CSMD1: variants seen among roughly 807,000 people sequenced by gnomAD.
CSMD1 encodes CUB and Sushi multiple domains 1.
Under a neutral mutation model 417.5 loss-of-function variants are expected in CSMD1, and 213 were observed. The observed-to-expected ratio is 0.51, with a 90% CI of 0.46 to 0.57. The LOEUF (loss-of-function observed/expected upper bound fraction) is 0.57. Among genes scored for constraint, CSMD1 ranks in the 20% least tolerant of loss-of-function variants. The probability of loss-of-function intolerance (pLI) is 0.00; values close to 1 mark genes in which losing one functional copy is unlikely to be tolerated. For missense variants in CSMD1, 6,923 were observed against 4,529.7 expected (o/e 1.53, Z -15.17); for synonymous variants, 2,862 against 1,736.8 (o/e 1.65, Z -16.11).
At chr8:3,784,298 T>C (rs1563076214) in intron 5 of CSMD1, among the ~76,000 whole-genome samples, 1 of 152,284 alleles carries the variant, frequency 6.6e-6, no homozygotes, top group East Asian at 1.9e-4. Flanking sequence ...ATAAATAATA[T>C]TAAATATATA....
intron 3 of CSMD1, among the ~76,000 whole-genome samples, chr8:4,205,292 T>C (rs993862257): frequency 2.6e-5 from 4 of 152,230 alleles, no homozygotes; most frequent in Admixed American, 2.0e-4. Flanking sequence ...AATAGTTCCT[T>C]GAAAAAGATT....
At chr8:3,151,802 G>C (rs965357831) in intron 39 of CSMD1, among the ~76,000 whole-genome samples, 1 of 151,434 alleles carries the variant, frequency 6.6e-6, no homozygotes, top group Non-Finnish European at 1.5e-5. Context: ...TTGCGTCACA[G>C]TCAGGCATCA....
chr8:3,830,716 G>A (rs1456621111), intron 5 of CSMD1, among the ~76,000 whole-genome samples: 1 of 152,076 alleles, frequency 6.6e-6, no homozygotes, highest in East Asian at 1.9e-4. Context: ...CAGACCTGCT[G>A]AACTTTGTGT....
At chr8:4,784,611 T>A (rs1161335087) in intron 1 of CSMD1, among the ~76,000 whole-genome samples, 1 of 152,206 alleles carries the variant, frequency 6.6e-6, no homozygotes, top group African/African-American at 2.4e-5. Flanking sequence ...TAAATTTCTT[T>A]TTTCACCGAT....
chr8:3,956,601 T>A (rs1434400812), intron 5 of CSMD1, among the ~76,000 whole-genome samples: 1 of 152,228 alleles, frequency 6.6e-6, no homozygotes, highest in African/African-American at 2.4e-5. Flanking sequence ...GCATACATAA[T>A]CATTAAATTC....
chr8:4,911,163 G>C (rs1024645526), intron 1 of CSMD1, among the ~76,000 whole-genome samples: 2 of 152,168 alleles, frequency 1.3e-5, no homozygotes, highest in Non-Finnish European at 2.9e-5. Context: ...GTCTTTATCA[G>C]CAGTGTGAAA....
At chr8:3,296,854 T>A (rs982512387) in intron 25 of CSMD1, among the ~76,000 whole-genome samples, 1 of 152,106 alleles carries the variant, frequency 6.6e-6, no homozygotes, top group Admixed American at 6.5e-5. Flanking sequence ...CTTGGACCTG[T>A]TGAGTTTAAG....
At chr8:3,709,305 C>T (rs920344232) in intron 6 of CSMD1, among the ~76,000 whole-genome samples, 2 of 152,068 alleles carry the variant, frequency 1.3e-5, no homozygotes, top group African/African-American at 2.4e-5. Flanking sequence ...GAGACTGGAC[C>T]TACAGCAGCT....
chr8:4,767,321 T>C lies in CSMD1; in HGVS notation c.86-129763A>G, dbSNP rs140567805. 7.3e-3 allele frequency among the ~76,000 whole-genome samples: 1,110 copies of C among 152,322 alleles called. 19 individuals carry two copies. Among genetic ancestry groups the C allele is most frequent in the Middle Eastern group, 0.044 (13 of 294 alleles). ...CTATCATGGTGATAGAAAATAGACA[T>C]TTATTTTCAAATGTAGAGACTTGTG... On this transcript the variant is annotated intron_variant, in intron 1 of 69. Transcript: ENST00000635120.
chr8:4,790,646 G>A (rs1331593702), intron 1 of CSMD1, among the ~76,000 whole-genome samples: 1 of 152,040 alleles, frequency 6.6e-6, no homozygotes, highest in Non-Finnish European at 1.5e-5. Flanking sequence ...ATAGACCAAT[G>A]CAACAGGTTA....
intron 2 of CSMD1, among the ~76,000 whole-genome samples, chr8:4,442,277 T>C (rs1242474384): frequency 6.6e-6 from 1 of 152,082 alleles, no homozygotes; most frequent in Non-Finnish European, 1.5e-5. Context: ...TTTATAACAG[T>C]AAAAAAATTA....
intron 2 of CSMD1, among the ~76,000 whole-genome samples, chr8:4,486,200 CATACATATAT>C (rs1196364778): frequency 1.0e-4 from 1 of 9,816 alleles, no homozygotes; most frequent in African/African-American, 3.6e-4. Flanking sequence ...TATATATATA[CATACATATAT>C]ATATATATAT....
chr8:3,998,255 G>C (rs917176339), intron 4 of CSMD1, 145 bp from the exon 5 acceptor site: 12 of 656,266 alleles, frequency 1.8e-5, no homozygotes, highest in Admixed American at 1.4e-4. Context: ...GAATCTTTTG[G>C]TATGTTAATG....
chr8:3,510,229 T>C (rs559101967), intron 10 of CSMD1, among the ~76,000 whole-genome samples: 5 of 151,832 alleles, frequency 3.3e-5, no homozygotes, highest in African/African-American at 1.2e-4. Flanking sequence ...GCAGGAGAAG[T>C]GGCCGACTCC....
intron 3 of CSMD1, among the ~76,000 whole-genome samples, chr8:4,140,319 A>C (rs1423151620): frequency 1.3e-5 from 2 of 150,976 alleles, no homozygotes; most frequent in Non-Finnish European, 1.5e-5. Flanking sequence ...AAACATGGTG[A>C]AATCCCATCT....
chr8:4,018,590 C>A (rs151047259), intron 4 of CSMD1, among the ~76,000 whole-genome samples: 5 of 152,202 alleles, frequency 3.3e-5, no homozygotes, highest in Non-Finnish European at 7.3e-5. Flanking sequence ...GCAACCAGCA[C>A]CCCCTGCCCC....
chr8:3,637,098 T>C (rs1398309689), intron 7 of CSMD1, among the ~76,000 whole-genome samples: 2 of 152,182 alleles, frequency 1.3e-5, no homozygotes, highest in Non-Finnish European at 2.9e-5. Context: ...TCCAAAACTA[T>C]AGAAAATAAA....
At chr8:4,100,629 G>T (rs1431946405) in intron 3 of CSMD1, among the ~76,000 whole-genome samples, 2 of 152,106 alleles carry the variant, frequency 1.3e-5, no homozygotes, top group Admixed American at 1.3e-4. Flanking sequence ...TGATAATGGG[G>T]ATAAGTATGT....
At position 4,698,446 on chromosome 8, in the gene CSMD1, A is replaced by G. The variant is rs980380962; in HGVS notation, c.86-60888T>C. On this transcript the variant is annotated intron_variant, in intron 1 of 69. Coordinates refer to ENST00000635120, the MANE Select transcript of CSMD1 (RefSeq NM_033225.6). ...TAAAACAGGCTTGGTGTGATTCGCA[A>G]ACTTTCATGCTTATGTTCTCATAAG... Among the ~76,000 whole-genome samples the G allele has an allele frequency of 4.6e-5, 7 of 152,130 alleles. No homozygotes were observed. The East Asian group carries it at 1.3e-3, about 29-fold the overall frequency.
Sources: allele counts gnomAD v4.1 joint callset (sites outside exome capture counted in the v4.1 genomes callset), GRCh38; gene constraint gnomAD v4.1.1; transcripts MANE v1.5; gene names NCBI Gene and HGNC (gene_info 2026-07-23, HGNC 2026-07-21).